The following PLEKHA7 variants were observed in gnomAD, a reference collection of about 807,000 sequenced individuals.
PLEKHA7 encodes pleckstrin homology domain containing A7.
PLEKHA7 carries 104 observed loss-of-function variants against 170.0 expected under a neutral mutation model. The ratio of observed to expected loss-of-function variants is 0.61; its 90% CI spans 0.52 to 0.72. The LOEUF is 0.72. Among genes scored for constraint, PLEKHA7 ranks in the 30% least tolerant of loss-of-function variants. The probability of loss-of-function intolerance (pLI) is 0.00; values close to 1 mark genes in which losing one functional copy is unlikely to be tolerated. For synonymous variants in PLEKHA7, 648 were observed against 660.8 expected (o/e 0.98, Z 0.30); for missense variants, 1,615 against 1,671.7 (o/e 0.97, Z 0.59).
intron 10 of PLEKHA7, among the ~76,000 whole-genome samples, chr11:16,819,990 A>G (rs1395893700): frequency 6.6e-6 from 1 of 152,270 alleles, no homozygotes; most frequent in African/African-American, 2.4e-5. Context: ...ATGAATGTCA[A>G]TTGGTTTGAT....
chr11:16,899,283 G>A (rs1230720670), intron 3 of PLEKHA7, among the ~76,000 whole-genome samples: 1 of 152,170 alleles, frequency 6.6e-6, no homozygotes, highest in Non-Finnish European at 1.5e-5. Flanking sequence ...GATCACCTGA[G>A]GTCGGGAGTT....
At chr11:16,923,557 G>GAGAGC (rs1240947399) in intron 3 of PLEKHA7, among the ~76,000 whole-genome samples, 1 of 152,122 alleles carries the variant, frequency 6.6e-6, no homozygotes, top group African/African-American at 2.4e-5. Flanking sequence ...CCAGCCCATG[G>GAGAGC]AGAGCAGAGC....
chr11:16,903,896 T>C (rs940733382), intron 3 of PLEKHA7, among the ~76,000 whole-genome samples: 2 of 152,214 alleles, frequency 1.3e-5, no homozygotes, highest in Admixed American at 1.3e-4. Flanking sequence ...TTTTTGTCCT[T>C]CTTGCCATGT....
At chr11:16,896,926 A>C (rs1187814919) in intron 3 of PLEKHA7, among the ~76,000 whole-genome samples, 6 of 152,188 alleles carry the variant, frequency 3.9e-5, no homozygotes, top group African/African-American at 1.4e-4. Flanking sequence ...TTGTTTGTGC[A>C]CACACGGAGA....
chr11:16,861,291 T>TGAGGCAG (rs1427051546), intron 4 of PLEKHA7, among the ~76,000 whole-genome samples: 1 of 151,550 alleles, frequency 6.6e-6, no homozygotes, highest in Non-Finnish European at 1.5e-5. Context: ...TTTGGGAGGC[T>TGAGGCAG]GAGGCAGGAG....
intron 3 of PLEKHA7, among the ~76,000 whole-genome samples, chr11:16,933,489 C>A (rs1212686096): frequency 6.6e-6 from 1 of 152,160 alleles, no homozygotes; most frequent in Non-Finnish European, 1.5e-5. Context: ...GCCAACAGGA[C>A]TCACTGATGG....
intron 3 of PLEKHA7, among the ~76,000 whole-genome samples, chr11:16,973,582 G>C (rs981448360): frequency 3.9e-5 from 6 of 152,166 alleles, no homozygotes; most frequent in African/African-American, 1.4e-4. Context: ...AAATCACTTG[G>C]GGGCTTAAAG....
chr11:16,985,254 C>T (rs1863656426), intron 3 of PLEKHA7, among the ~76,000 whole-genome samples: 1 of 152,214 alleles, frequency 6.6e-6, no homozygotes, highest in African/African-American at 2.4e-5. Context: ...TAGTTGTGTC[C>T]TTACATTTTG....
At chr11:16,841,347 A>G (rs1851941641) in intron 9 of PLEKHA7, among the ~76,000 whole-genome samples, 200 bp downstream of exon 9, 1 of 152,174 alleles carries the variant, frequency 6.6e-6, no homozygotes. Context: ...CACACATGCC[A>G]GTTTCCATGG....
intron 3 of PLEKHA7, among the ~76,000 whole-genome samples, chr11:16,998,364 C>A (rs529475182): frequency 6.2e-4 from 94 of 152,268 alleles, no homozygotes; most frequent in African/African-American, 2.1e-3. Context: ...CAGCACCAAC[C>A]AAGACCTCCC....
chr11:16,990,447 A>C (rs1280153224), intron 3 of PLEKHA7, among the ~76,000 whole-genome samples: 1 of 152,088 alleles, frequency 6.6e-6, no homozygotes, highest in East Asian at 1.9e-4. Flanking sequence ...GCACTGTTTC[A>C]GTGACAGGAA....
chr11:16,833,136 G>A (rs1851248797), intron 9 of PLEKHA7, among the ~76,000 whole-genome samples: 2 of 152,158 alleles, frequency 1.3e-5, no homozygotes, highest in African/African-American at 4.8e-5. Flanking sequence ...CCCTTGGGAT[G>A]GAGGGAGAAT....
intron 3 of PLEKHA7, among the ~76,000 whole-genome samples, chr11:16,924,199 A>C (rs1859312106): frequency 6.6e-6 from 1 of 152,188 alleles, no homozygotes; most frequent in Non-Finnish European, 1.5e-5. Context: ...ACAGGAGGGA[A>C]ACTGAAACTG....
intron 3 of PLEKHA7, among the ~76,000 whole-genome samples, chr11:16,989,829 G>A (rs534322675): frequency 1.3e-5 from 2 of 152,258 alleles, no homozygotes; most frequent in Middle Eastern, 3.4e-3. Flanking sequence ...CTTTGTGGCT[G>A]TGTACTACAC....
At chr11:16,827,588 C>T (rs1167606356) in intron 9 of PLEKHA7, among the ~76,000 whole-genome samples, 1 of 152,132 alleles carries the variant, frequency 6.6e-6, no homozygotes, top group African/African-American at 2.4e-5. Context: ...TGGTGGAGGG[C>T]TCCTCTTTCA....
intron 3 of PLEKHA7, among the ~76,000 whole-genome samples, chr11:17,001,566 GTA>G (rs1378749388): frequency 6.6e-6 from 1 of 152,154 alleles, no homozygotes; most frequent in East Asian, 1.9e-4. Context: ...AGTGGCCTTG[GTA>G]CAGGGCTGGA....
chr11:16,906,564 C>G (rs1857730855), intron 3 of PLEKHA7, among the ~76,000 whole-genome samples: 1 of 138,752 alleles, frequency 7.2e-6, no homozygotes. Flanking sequence ...CGCGAGTGAT[C>G]TGCCAGCCTC....
At chr11:16,865,223 C>T (rs1000121730) in intron 4 of PLEKHA7, among the ~76,000 whole-genome samples, 2 of 152,234 alleles carry the variant, frequency 1.3e-5, no homozygotes, top group East Asian at 1.9e-4. Context: ...TGTAACAGAA[C>T]TATTCTCCCC....
At chr11:16,907,423 C>A (rs1374239295) in intron 3 of PLEKHA7, among the ~76,000 whole-genome samples, 4 of 123,992 alleles carry the variant, frequency 3.2e-5, no homozygotes, top group Non-Finnish European at 7.1e-5. Flanking sequence ...CCGCCCCGTC[C>A]GGGAGGTGAG....
Sources: gnomAD v4.1 joint callset for allele counts (sites outside exome capture counted in the v4.1 genomes callset) on GRCh38, gnomAD v4.1.1 for gene constraint, MANE v1.5 for transcripts, NCBI Gene and HGNC (gene_info 2026-07-23, HGNC 2026-07-21) for gene names.